Variants in SP4 observed in about 807,000 individuals in gnomAD.
The protein encoded by SP4 is Sp4 transcription factor.
In SP4, 19 loss-of-function variants were observed where a neutral mutation model predicts 72.8. That is an observed-to-expected ratio of 0.26 (90% CI 0.18 to 0.38). The LOEUF is 0.38. Ranked by LOEUF, SP4 falls within the 10% of genes least tolerant of loss-of-function variation. SP4 has a pLI of 1.00. For missense variants in SP4, 1,008 were observed against 926.3 expected, an observed-to-expected ratio of 1.09 and a Z score of -1.14; for synonymous variants, 395 against 333.1, an observed-to-expected ratio of 1.19 and a Z score of -2.02.
intron 5 of SP4, among the ~76,000 whole-genome samples, chr7:21,501,622 C>T (rs1019657197): frequency 3.3e-5 from 5 of 152,158 alleles, no homozygotes; most frequent in African/African-American, 1.2e-4. Flanking sequence ...TGAGGGCTAC[C>T]ATGTCTTTCC....
At chr7:21,446,080 C>T (rs1258634085) in intron 3 of SP4, among the ~76,000 whole-genome samples, 2 of 146,902 alleles carry the variant, frequency 1.4e-5, no homozygotes, top group Non-Finnish European at 1.5e-5. Flanking sequence ...GTGGTGTGTG[C>T]ATACTTAGTG....
chr7:21,430,149 T>G lies in SP4; in HGVS notation c.984T>G (p.Ala328=). 6.2e-7 allele frequency: 1 copy of G among 1,614,202 alleles called. No homozygotes were observed. The highest frequency in any genetic ancestry group is 8.5e-7 in the Non-Finnish European group (1 of 1,180,024). The part of the protein sequence containing the change: ...PSSSTTCTTT[A]STSLTSSDTL... ...CCTCCACTACCTGCACAACCACTGC[T>G]TCAACGTCTTTGACAAGCAGTGACA... Residue 328 remains alanine, a synonymous_variant, in exon 3 of 6, where the codon GCT becomes GCG. Coordinates refer to ENST00000222584, the MANE Select transcript of SP4 (RefSeq NM_003112.5).
At chr7:21,504,631 C>T (rs1432112389) in intron 5 of SP4, among the ~76,000 whole-genome samples, 3 of 152,190 alleles carry the variant, frequency 2.0e-5, no homozygotes, top group Non-Finnish European at 4.4e-5. Context: ...ATCTCCTCTC[C>T]TTTCCATAGG....
intron 5 of SP4, among the ~76,000 whole-genome samples, chr7:21,487,873 T>A (rs370275163): frequency 8.5e-4 from 129 of 152,054 alleles, no homozygotes; most frequent in Middle Eastern, 3.4e-3. Flanking sequence ...TTTGTTTTGG[T>A]TTTTTTGAGA....
Position 21,448,295 on chromosome 7 carries a change from G to A in SP4, c.1678+17452G>A, listed in dbSNP as rs115513807. 8.6e-3 allele frequency among the ~76,000 whole-genome samples: 1,304 copies of A among 152,250 alleles called. 19 individuals are homozygous for A. The highest frequency in any genetic ancestry group is 0.029 in the African/African-American group (1,186 of 41,548). On this transcript the variant is annotated intron_variant, in intron 3 of 5. Transcript: ENST00000222584. ...TTAAAAAAGAAAATTGTGCTTTCTA[G>A]TACCACTGGCAAGTACTCTTAGTAA...
chr7:21,429,773 A>G lies in SP4; in HGVS notation c.608A>G (p.Asn203Ser), dbSNP rs1042519883. The change falls in exon 3 of 6, where the codon AAT (asparagine) becomes AGT (serine). Residue 203 changes from asparagine (N) to serine (S), a missense_variant. This residue lies in a region of SP4 where 893 missense variants were observed against 743.3 expected (regional missense o/e 1.20). Coordinates refer to ENST00000222584, the MANE Select transcript of SP4 (RefSeq NM_003112.5). ...CAAATTCAGCTCATTTCTGCAGGTA[A>G]TAATCAAGCTATACTCACAGCTGCT... ...QGQIQLISAG[N>S]NQAILTAANR... 1.9e-6 allele frequency: 3 copies of G among 1,614,162 alleles called. No individual in the cohort carries two copies. Among genetic ancestry groups the G allele is most frequent in the Non-Finnish European group, 2.5e-6 (3 of 1,180,012 alleles).
At chr7:21,462,062 T>G (rs1784010766) in intron 3 of SP4, among the ~76,000 whole-genome samples, 2 of 143,724 alleles carry the variant, frequency 1.4e-5, no homozygotes, top group South Asian at 4.5e-4. Context: ...AGGATCTCAC[T>G]CTGTTACCCA....
At chr7:21,439,721 C>G (rs770648510) in intron 3 of SP4, among the ~76,000 whole-genome samples, 1 of 151,950 alleles carries the variant, frequency 6.6e-6, no homozygotes, top group Non-Finnish European at 1.5e-5. Flanking sequence ...GAGACTGTAC[C>G]TCTACGAAAA....
chr7:21,478,919 T>C (rs1784595467), intron 4 of SP4, among the ~76,000 whole-genome samples: 2 of 151,916 alleles, frequency 1.3e-5, no homozygotes, highest in South Asian at 4.2e-4. Context: ...AAATACAAAA[T>C]TAGCCAAGCA....
chr7:21,445,078 A>T (rs1397519936), intron 3 of SP4, among the ~76,000 whole-genome samples: 1 of 152,156 alleles, frequency 6.6e-6, no homozygotes, highest in Admixed American at 6.5e-5. Flanking sequence ...TCCCTGACTA[A>T]ATATTTGTGT....
intron 5 of SP4, among the ~76,000 whole-genome samples, chr7:21,506,674 T>C (rs531753136): frequency 1.3e-5 from 2 of 152,306 alleles, no homozygotes; most frequent in East Asian, 3.9e-4. Context: ...TTGGTTTCTC[T>C]TTCCATCCAT....
intron 5 of SP4, among the ~76,000 whole-genome samples, chr7:21,492,390 G>A (rs1054070822): frequency 5.3e-5 from 8 of 152,204 alleles, no homozygotes; most frequent in Middle Eastern, 3.4e-3. Flanking sequence ...AATTCACAGC[G>A]CTCCAAAATC....
chr7:21,510,841 A>G (rs1457984521), intron 5 of SP4, among the ~76,000 whole-genome samples, 181 bp from the exon 6 acceptor site: 1 of 152,240 alleles, frequency 6.6e-6, no homozygotes, highest in African/African-American at 2.4e-5. Flanking sequence ...TTTTCGTCTC[A>G]ATCACATGGT....
chr7:21,490,183 A>G lies in SP4; in HGVS notation c.2107+8060A>G, dbSNP rs114728386. Among the ~76,000 whole-genome samples the G allele has an allele frequency of 6.4e-3, 982 of 152,360 alleles. 12 individuals are homozygous for G. The highest frequency in any genetic ancestry group is 0.022 in the African/African-American group (909 of 41,590). ...GAAATGAAGTGAAAACTTGAATTTG[A>G]ATAACAGTGTATCATATGTGTTCAT... On this transcript the variant is annotated intron_variant, in intron 5 of 5. Coordinates refer to ENST00000222584, the MANE Select transcript of SP4 (RefSeq NM_003112.5).
chr7:21,440,868 ACAACAACAACAACAACAACAG>A (rs6150026), intron 3 of SP4, among the ~76,000 whole-genome samples: 106,621 of 151,650 alleles, frequency 0.7, 37,929 homozygotes, highest in East Asian at 0.9. Flanking sequence ...AACAACAACA[ACAACAACAACAACAACAACAG>A]CAGCAAACAG....
rs377534423 is a variant in SP4, at chr7:21,477,061, T to A, written c.1679-18T>A. The A allele has an allele frequency of 4.3e-5, 68 of 1,593,822 alleles. No individual in the cohort carries two copies. In the African/African-American group the frequency reaches 8.6e-4, roughly 20 times the overall value. On this transcript the variant is annotated intron_variant, in intron 3 of 5. Coordinates refer to ENST00000222584, the MANE Select transcript of SP4 (RefSeq NM_003112.5). ...TGTAGAAAACATTACAATACTTCTT[T>A]TTTTTCTTCCTTTTTAGGTCAGCAG...
chr7:21,465,555 G>GT (rs1196086984), intron 3 of SP4, among the ~76,000 whole-genome samples: 1 of 152,214 alleles, frequency 6.6e-6, no homozygotes, highest in Non-Finnish European at 1.5e-5. Flanking sequence ...AGTAAATTGA[G>GT]TAAGTGCGAG....
At chr7:21,482,525 GAAT>G (rs1294107082) in intron 5 of SP4, 1 of 376,780 alleles carries the variant, frequency 2.7e-6, no homozygotes, top group Non-Finnish European at 3.6e-6. Context: ...AAAGTATCAA[GAAT>G]AATTAAATAA....
At chr7:21,489,912 A>G (rs1373511226) in intron 5 of SP4, among the ~76,000 whole-genome samples, 2 of 152,050 alleles carry the variant, frequency 1.3e-5, no homozygotes, top group Non-Finnish European at 2.9e-5. Context: ...CAGCCTCTCA[A>G]AGTGCTGGGA....
Sources: gnomAD v4.1 joint callset for allele counts (sites outside exome capture counted in the v4.1 genomes callset) on GRCh38, gnomAD v4.1.1 for gene constraint, gnomAD v4.1.1 regional missense constraint, MANE v1.5 for transcripts, NCBI Gene and HGNC (gene_info 2026-07-23, HGNC 2026-07-21) for gene names.